NAAA: variants seen among roughly 807,000 people sequenced by gnomAD.
NAAA encodes the protein N-acylethanolamine acid amidase.
A neutral mutation model predicts 44.8 loss-of-function variants in NAAA; 39 were observed. The ratio of observed to expected loss-of-function variants is 0.87; its 90% CI spans 0.67 to 1.14. NAAA has a LOEUF of 1.14. Among genes scored for constraint, NAAA ranks in the 50% most tolerant of loss-of-function variants. The pLI is 0.00. For missense variants in NAAA, 460 were observed against 467.8 expected (o/e 0.98, Z 0.15); for synonymous variants, 178 against 191.3 (o/e 0.93, Z 0.58).
Position 75,940,972 on chromosome 4 carries a change from A to C in NAAA, c.-23T>G. On this transcript the variant is annotated 5_prime_UTR_variant, in exon 1 of 11. Coordinates refer to ENST00000286733, the MANE Select transcript of NAAA (RefSeq NM_014435.4). ...CATGGCTCGGGCTCCAGCGGCCGCA[A>C]CTTGGAGACCTGCAGCCGCTGTCGG... is the stretch of plus-strand genomic sequence containing the variant. 6.9e-7 allele frequency: 1 copy of C among 1,457,368 alleles called. No homozygotes were observed. The highest frequency in any genetic ancestry group is 9.0e-7 in the Non-Finnish European group (1 of 1,115,206). The allele number at this position is 1,457,368 out of a possible 1,614,324, so 90.3% of individuals were successfully genotyped here. A position where few individuals can be genotyped will look rare whatever the true frequency, so the allele number is the denominator to read the frequency against.
intron 5 of NAAA, among the ~76,000 whole-genome samples, chr4:75,924,430 A>G (rs1726467332): frequency 6.6e-6 from 1 of 152,218 alleles, no homozygotes; most frequent in African/African-American, 2.4e-5. Flanking sequence ...TTTAAAACCG[A>G]TGAATTATTT....
chr4:75,936,112 C>T lies in NAAA; in HGVS notation c.495G>A (p.Gly165=). Residue 165 remains glycine (G), a synonymous_variant, in exon 3 of 11, where the codon GGG becomes GGA. Transcript: ENST00000286733. The part of the protein sequence containing the change: ...LTVDVQFLKN[G]QIAFTGTTFI... ...TCTTATATGGTACGGATTATACCTG[C>T]CCATTCTTTAAGAATTGCACATCCA... 6.2e-7 allele frequency: 1 copy of T among 1,613,954 alleles called. No individual in the cohort carries two copies. Among genetic ancestry groups the T allele is most frequent in the Non-Finnish European group, 8.5e-7 (1 of 1,179,978 alleles).
chr4:75,925,479 G>T (rs754514548), intron 5 of NAAA, among the ~76,000 whole-genome samples: 13 of 152,098 alleles, frequency 8.5e-5, no homozygotes, highest in Non-Finnish European at 1.5e-4. Flanking sequence ...TGCACAAACC[G>T]AAGTTGAGCT....
In NAAA at chr4:75,920,987, G is replaced by A. The variant is rs766395038; in HGVS notation, c.803C>T (p.Pro268Leu). The A allele has an allele frequency of 6.0e-5, 97 of 1,612,798 alleles. No individual in the cohort carries two copies. Among genetic ancestry groups the A allele is most frequent in the Non-Finnish European group, 7.9e-5 (93 of 1,179,770 alleles). Residue 268 changes from proline (P) to leucine (L), a missense_variant, in exon 6 of 11, where the codon CCA (proline) becomes CTA (leucine). Pro to Leu is a moderately conservative substitution (Grantham distance 98). Transcript: ENST00000286733. Reference protein sequence around the residue: ...GVVITRNRDGPADIWPLDPLN... With the variant: ...GVVITRNRDGLADIWPLDPLN... Reference sequence around the variant, plus strand: ...AGGATCTAGAGGCCAAATGTCTGCTGGGCCATCTCTGTTCCTCGTGATGAC... The same window carrying A: ...AGGATCTAGAGGCCAAATGTCTGCTAGGCCATCTCTGTTCCTCGTGATGAC...
Position 75,918,781 on chromosome 4 carries a change from C to T in NAAA, c.978G>A (p.Ser326=), listed in dbSNP as rs547026209. 59 of 1,612,430 alleles carry T rather than the reference C, an allele frequency of 3.7e-5. No homozygotes were observed. Among genetic ancestry groups the T allele is most frequent in the Non-Finnish European group, 4.2e-5 (50 of 1,178,964 alleles). The change falls in exon 9 of 11, where the codon TCG becomes TCA. Residue 326 remains serine, a synonymous_variant. Transcript: ENST00000286733. ...LSLEALFQIL[S]VVPVYNNFTI... ...CTTACTTGTTATAAACTGGAACCAC[C>T]GACAAAATCTGCATAGGAAAAAGTC...
chr4:75,912,038 C>A (rs946344766), downstream of NAAA, among the ~76,000 whole-genome samples: 12 of 152,312 alleles, frequency 7.9e-5, no homozygotes, highest in African/African-American at 2.6e-4. Context: ...GTCAGCCATG[C>A]TAGACTTCTC....
In NAAA at chr4:75,919,915, A is replaced by G; in HGVS notation, c.963T>C (p.Leu321=). The change falls in exon 8 of 11, where the codon CTT becomes CTC. Residue 321 remains leucine (L), a synonymous_variant. Transcript: ENST00000286733. ...TGQANLSLEA[L]FQILSVVPVY... Reference sequence around the variant, plus strand: ...ACACTGTGACACAAGTTACCTGGAAAAGTGCCTCCAGGCTGAGGTTTGCTT... The same window carrying G: ...ACACTGTGACACAAGTTACCTGGAAGAGTGCCTCCAGGCTGAGGTTTGCTT... 3 of 1,613,298 alleles carry G rather than the reference A, an allele frequency of 1.9e-6. No homozygotes were observed. The highest frequency in any genetic ancestry group is 2.5e-6 in the Non-Finnish European group (3 of 1,179,248).
chr4:75,919,690 G>A (rs952944311), intron 8 of NAAA: 1 of 595,040 alleles, frequency 1.7e-6, no homozygotes, highest in Non-Finnish European at 3.0e-6. Context: ...GTGTTAGCCA[G>A]GATTGTCTCA....
chr4:75,924,028 G>T (rs1172971628), intron 5 of NAAA, among the ~76,000 whole-genome samples: 1 of 152,102 alleles, frequency 6.6e-6, no homozygotes, highest in Non-Finnish European at 1.5e-5. Flanking sequence ...ACCTCCTCAA[G>T]CTCATCCATA....
chr4:75,919,262 G>A lies in NAAA; in HGVS notation c.970-473C>T, dbSNP rs558107139. On this transcript the variant is annotated intron_variant, in intron 8 of 10. Coordinates refer to ENST00000286733, the MANE Select transcript of NAAA (RefSeq NM_014435.4). ...TCACCATGTTGGCCAGGCTGGTCTCGAAGTCCTGACCTCAAGTGATCCTCC... is the reference window on the plus strand; with the variant it reads ...TCACCATGTTGGCCAGGCTGGTCTCAAAGTCCTGACCTCAAGTGATCCTCC... 16 of 162,738 alleles carry A rather than the reference G, an allele frequency of 9.8e-5. No individual in the cohort carries two copies. In the East Asian group the frequency reaches 1.4e-3, roughly 14 times the overall value. 10.1% of individuals were successfully genotyped at this position (162,738 alleles called of 1,614,324 possible). A position where few individuals can be genotyped will look rare whatever the true frequency, so the allele number is the denominator to read the frequency against.
chr4:75,931,968 G>A (rs906955710), intron 3 of NAAA, among the ~76,000 whole-genome samples: 6 of 152,182 alleles, frequency 3.9e-5, no homozygotes, highest in Non-Finnish European at 8.8e-5. Flanking sequence ...AGTGGCTCAC[G>A]CCTGTAATCC....
At chr4:75,928,174 T>C (rs752652033) in intron 4 of NAAA, among the ~76,000 whole-genome samples, 1 of 152,244 alleles carries the variant, frequency 6.6e-6, no homozygotes, top group Non-Finnish European at 1.5e-5. Flanking sequence ...TTCTACTCTC[T>C]GCTTCTATGA....
rs1726721172 is a variant in NAAA at position 75,926,602 on chromosome 4, G to C, written c.590-791C>G. 3.4e-5 allele frequency among the ~76,000 whole-genome samples: 5 copies of C among 146,186 alleles called. No individual in the cohort carries two copies. The South Asian group carries it at 1.1e-3, about 32-fold the overall frequency. The stretch of plus-strand genomic sequence containing the variant: ...AAAAGACGGTATCAACAGAGTAAAA[G>C]GCAATTCACAGATTGAGAGAAAATA... On this transcript the variant is annotated intron_variant, in intron 4 of 10. Transcript: ENST00000286733.
In NAAA at chr4:75,914,963, T is replaced by A. The variant is rs560536963; in HGVS notation, c.1021A>T (p.Met341Leu). The A allele has an allele frequency of 1.8e-5, 29 of 1,613,510 alleles. No individual in the cohort carries two copies. The South Asian group carries it at 3.1e-4, about 17-fold the overall frequency. ...TACTTGTCTGGGCTACCGGCGCTCA[T>A]TACCGTAGTATAAATTGTGAAGCTG... is the stretch of plus-strand genomic sequence containing the variant. ...YNNFTIYTTV[M>L]SAGSPDKYMT... The change falls in exon 10 of 11, where the codon ATG (methionine) becomes TTG (leucine). Residue 341 changes from methionine to leucine, a missense_variant. Physicochemically the swap from Met to Leu is conservative, Grantham distance 15 (BLOSUM62 2). Coordinates refer to ENST00000286733, the MANE Select transcript of NAAA (RefSeq NM_014435.4).
At chr4:75,940,240 G>A (rs548755579) in intron 1 of NAAA, 75 bp from the exon 2 acceptor site, 2 of 1,520,356 alleles carry the variant, frequency 1.3e-6, no homozygotes, top group South Asian at 1.2e-5. Context: ...CACTGCGAGC[G>A]GGGCTACATC....
At chr4:75,916,088 T>C (rs1211037056) in intron 9 of NAAA, among the ~76,000 whole-genome samples, 3 of 152,146 alleles carry the variant, frequency 2.0e-5, no homozygotes, top group Non-Finnish European at 4.4e-5. Flanking sequence ...ATAGTTCTGC[T>C]CTCCATTACT....
At chr4:75,939,768 G>A (rs187607311) in intron 2 of NAAA, 6,830 of 529,560 alleles carry the variant, frequency 0.013, 69 homozygotes, top group Non-Finnish European at 0.018. Context: ...GAAAACCCGG[G>A]GCTACACGTA....
At chr4:75,939,059 G>T (rs1354111935) in intron 2 of NAAA, among the ~76,000 whole-genome samples, 2 of 152,114 alleles carry the variant, frequency 1.3e-5, no homozygotes, top group Non-Finnish European at 2.9e-5. Flanking sequence ...CACCATGTTG[G>T]CCAGGCTGGT....
intron 9 of NAAA, chr4:75,917,187 G>A (rs993578203): frequency 8.0e-6 from 5 of 622,936 alleles, no homozygotes; most frequent in South Asian, 7.2e-5. Flanking sequence ...ATTGTGCCCC[G>A]CTATGAAGGG....
Sources: allele counts gnomAD v4.1 joint callset (sites outside exome capture counted in the v4.1 genomes callset), GRCh38; gene constraint gnomAD v4.1.1; transcripts MANE v1.5; gene names NCBI Gene and HGNC (gene_info 2026-07-23, HGNC 2026-07-21).